The following SDK1 variants were observed in gnomAD, a reference collection of about 807,000 sequenced individuals.
SDK1 encodes the protein sidekick cell adhesion molecule 1, also known as protein sidekick-1.
In SDK1, 157 loss-of-function variants were observed where a neutral mutation model predicts 245.5. That is an observed-to-expected ratio of 0.64 (90% CI 0.56 to 0.73). SDK1 has a LOEUF of 0.73. SDK1 is among the 30% of genes least tolerant of loss of function. The pLI is 0.00. For missense variants in SDK1, 3,583 were observed against 3,002.3 expected (o/e 1.19, Z -4.52); for synonymous variants, 1,647 against 1,278.5 (o/e 1.29, Z -6.15).
intron 2 of SDK1, among the ~76,000 whole-genome samples, chr7:3,626,951 G>T (rs914190075): frequency 6.6e-6 from 1 of 151,438 alleles, no homozygotes; most frequent in Non-Finnish European, 1.5e-5. Context: ...ATTTTGAGAC[G>T]GGGTCTTGCT....
chr7:4,001,406 C>T (rs1785063396), intron 14 of SDK1, among the ~76,000 whole-genome samples: 1 of 152,228 alleles, frequency 6.6e-6, no homozygotes, highest in African/African-American at 2.4e-5. Flanking sequence ...GAGCATGTGT[C>T]TCCCCTTGGG....
At chr7:3,318,587 C>G (rs1779720361) in intron 1 of SDK1, among the ~76,000 whole-genome samples, 1 of 152,160 alleles carries the variant, frequency 6.6e-6, no homozygotes, top group African/African-American at 2.4e-5. Context: ...TGTTTCGTGA[C>G]CTTTTGTCTT....
chr7:3,332,535 A>G (rs1780094665), intron 1 of SDK1, among the ~76,000 whole-genome samples: 1 of 152,154 alleles, frequency 6.6e-6, no homozygotes, highest in Non-Finnish European at 1.5e-5. Flanking sequence ...ATGATAATGG[A>G]GTCTGTTATC....
At chr7:3,338,632 A>AC in intron 1 of SDK1, 1 of 55,244 alleles carries the variant, frequency 1.8e-5, no homozygotes, top group South Asian at 2.9e-4. Context: ...ACAAACAAAC[A>AC]AAAAAAAACA....
At chr7:3,849,603 C>A (rs1468977149) in intron 5 of SDK1, among the ~76,000 whole-genome samples, 1 of 152,106 alleles carries the variant, frequency 6.6e-6, no homozygotes, top group Non-Finnish European at 1.5e-5. Context: ...TTTGGAAGAT[C>A]CTGTGAGCCT....
chr7:4,130,338 G>T (rs936740564), intron 27 of SDK1: 4 of 541,362 alleles, frequency 7.4e-6, no homozygotes, highest in Non-Finnish European at 1.3e-5. Flanking sequence ...TAACTCTGCC[G>T]TGGGCAGTGC....
chr7:3,943,025 T>C (rs1199522821), intron 5 of SDK1, among the ~76,000 whole-genome samples: 1 of 152,182 alleles, frequency 6.6e-6, no homozygotes, highest in Non-Finnish European at 1.5e-5. Context: ...CCTGTCCCTG[T>C]TCGAGCTGGC....
intron 5 of SDK1, among the ~76,000 whole-genome samples, chr7:3,866,252 G>T (rs1302245970): frequency 6.6e-6 from 1 of 152,150 alleles, no homozygotes; most frequent in Non-Finnish European, 1.5e-5. Flanking sequence ...AATACTGATT[G>T]TGCATCTCTC....
rs1002053354 is a variant in SDK1, at chr7:4,026,980, A to G, written c.2602+9628A>G. 5.9e-5 allele frequency among the ~76,000 whole-genome samples: 9 copies of G among 152,198 alleles called. No individual in the cohort carries two copies. The highest frequency in any genetic ancestry group is 2.2e-4 in the African/African-American group (9 of 41,458). ...TGAATCCCTGCTGTGTTCTGGATAG[A>G]TGCATCAGTCCCTTATAGTTTAAAC... On this transcript the variant is annotated intron_variant, in intron 17 of 44. Transcript: ENST00000404826. This position sits in a 1 kb window ranked among gnomAD's most constrained non-coding sequence, Gnocchi z 4.1.
At chr7:3,940,789 C>A (rs908703539) in intron 5 of SDK1, among the ~76,000 whole-genome samples, 2 of 152,042 alleles carry the variant, frequency 1.3e-5, no homozygotes, top group Admixed American at 1.3e-4. Context: ...CCGCTGCACT[C>A]CAGCCTGGGT....
chr7:4,236,197 C>T (rs888098534), intron 41 of SDK1, among the ~76,000 whole-genome samples: 1 of 152,198 alleles, frequency 6.6e-6, no homozygotes, highest in African/African-American at 2.4e-5. Flanking sequence ...GAGCCAATGC[C>T]TGGGCTTTGC....
intron 1 of SDK1, among the ~76,000 whole-genome samples, chr7:3,454,854 G>C (rs1210656237): frequency 2.0e-5 from 3 of 152,152 alleles, no homozygotes. Context: ...GTGCCCAAGT[G>C]TGTAATTGCT....
chr7:3,576,440 A>G (rs1780294352), intron 1 of SDK1, among the ~76,000 whole-genome samples: 1 of 152,046 alleles, frequency 6.6e-6, no homozygotes, highest in Non-Finnish European at 1.5e-5. Flanking sequence ...GCAGGTACAC[A>G]AAACATTGAG....
intron 22 of SDK1, among the ~76,000 whole-genome samples, chr7:4,096,657 G>A (rs1211117073): frequency 6.6e-6 from 1 of 152,042 alleles, no homozygotes; most frequent in African/African-American, 2.4e-5. Context: ...ATCCAAGAAG[G>A]CTGCTTGAGA....
intron 1 of SDK1, among the ~76,000 whole-genome samples, chr7:3,376,492 A>G (rs977559437): frequency 6.6e-6 from 1 of 152,242 alleles, no homozygotes; most frequent in Non-Finnish European, 1.5e-5. Flanking sequence ...ACGAACAGGC[A>G]ATTCACAAAG....
At chr7:3,866,057 T>G (rs6959510) in intron 5 of SDK1, among the ~76,000 whole-genome samples, 121,743 of 152,188 alleles carry the variant, frequency 0.8, 49,441 homozygotes, top group East Asian at 1. Context: ...AGTGACAGAA[T>G]ACAGAATAAA....
rs73673683 is a variant in SDK1, at chr7:3,663,276, A to C, written c.713+21171A>C. 5.2e-3 allele frequency among the ~76,000 whole-genome samples: 791 copies of C among 152,330 alleles called. 6 individuals are homozygous for C. Among genetic ancestry groups the C allele is most frequent in the African/African-American group, 0.018 (762 of 41,570 alleles). ...ATAGTACAGTGTCCTACATCAGAGAAATGAACATCCATGTTTTTGTTTTCA... is the reference window on the plus strand; with the variant it reads ...ATAGTACAGTGTCCTACATCAGAGACATGAACATCCATGTTTTTGTTTTCA... On this transcript the variant is annotated intron_variant, in intron 4 of 44. Coordinates refer to ENST00000404826, the MANE Select transcript of SDK1 (RefSeq NM_152744.4).
At chr7:3,924,673 C>T (rs564420296) in intron 5 of SDK1, among the ~76,000 whole-genome samples, 33 of 152,306 alleles carry the variant, frequency 2.2e-4, no homozygotes, top group South Asian at 6.2e-4. Flanking sequence ...GCAGTCCGTC[C>T]GTAGCTTTCC....
intron 1 of SDK1, among the ~76,000 whole-genome samples, chr7:3,412,590 C>A (rs1159164737): frequency 1.3e-5 from 2 of 152,306 alleles, no homozygotes; most frequent in Middle Eastern, 3.4e-3. Context: ...GTCTTTTCCA[C>A]GTGTCATTTC....
Sources: allele counts gnomAD v4.1 joint callset (sites outside exome capture counted in the v4.1 genomes callset), GRCh38; gene constraint gnomAD v4.1.1; non-coding constraint Gnocchi (gnomAD v3.1); transcripts MANE v1.5; gene names NCBI Gene and HGNC (gene_info 2026-07-23, HGNC 2026-07-21).